The following ZNF844 variants were observed in gnomAD, a reference collection of about 807,000 sequenced individuals.
The protein encoded by ZNF844 is zinc finger protein 844.
ZNF844 carries 11 observed loss-of-function variants against 11.4 expected under a neutral mutation model. That is an observed-to-expected ratio of 0.97 (90% CI 0.61 to 1.60). The LOEUF (loss-of-function observed/expected upper bound fraction) is 1.60, where lower values mean the gene tolerates loss of function less well. Among genes scored for constraint, ZNF844 ranks in the 40% most tolerant of loss-of-function variants. The pLI, the probability that ZNF844 is intolerant of heterozygous loss-of-function variation, is 0.00. For missense variants in ZNF844, 790 were observed against 796.8 expected, an observed-to-expected ratio of 0.99 and a Z score of 0.10; for synonymous variants, 248 against 260.3, an observed-to-expected ratio of 0.95 and a Z score of 0.46.
At chr19:12,072,793 C>G (rs915404665) in intron 1 of ZNF844, among the ~76,000 whole-genome samples, 4 of 152,058 alleles carry the variant, frequency 2.6e-5, no homozygotes, top group African/African-American at 9.7e-5. Flanking sequence ...CCATGTTGAC[C>G]AGGCTGGTCT....
At chr19:12,066,945 C>A (rs1237213976) in intron 1 of ZNF844, among the ~76,000 whole-genome samples, 7 of 152,102 alleles carry the variant, frequency 4.6e-5, no homozygotes, top group Non-Finnish European at 8.8e-5. Flanking sequence ...CTTTGACTGC[C>A]ATAATTTTTT....
intron 1 of ZNF844, among the ~76,000 whole-genome samples, chr19:12,068,292 G>T (rs1220064136): frequency 6.6e-6 from 1 of 151,710 alleles, no homozygotes; most frequent in African/African-American, 2.4e-5. Flanking sequence ...CTGGGCGACA[G>T]AGCAAGAAAC....
Position 12,075,970 on chromosome 19 carries a change from A to G in ZNF844, c.850A>G (p.Lys284Glu). 1 of 1,594,160 alleles carries G rather than the reference A, an allele frequency of 6.3e-7. No individual in the cohort carries two copies. Among genetic ancestry groups the G allele is most frequent in the Non-Finnish European group, 8.5e-7 (1 of 1,169,650 alleles). ...THTGEKPYECKQCGKAFRWFH... is the reference protein window; with the variant it reads ...THTGEKPYECEQCGKAFRWFH... ...CACTGGAGAGAAGCCATATGAATGCAAACAATGTGGAAAAGCCTTCAGATG... is the reference window on the plus strand; with the variant it reads ...CACTGGAGAGAAGCCATATGAATGCGAACAATGTGGAAAAGCCTTCAGATG... Residue 284 changes from lysine to glutamate, a missense_variant, in exon 4 of 4, where the codon AAA (lysine) becomes GAA (glutamate). This residue lies in a region of ZNF844 where 657 missense variants were observed against 636.2 expected (regional missense o/e 1.03). Coordinates refer to ENST00000439326, the MANE Select transcript of ZNF844 (RefSeq NM_001136501.3).
At position 12,064,851 on chromosome 19, in the gene ZNF844, G is replaced by A. The variant is rs910047667; in HGVS notation, c.-23G>A. The stretch of plus-strand genomic sequence containing the variant: ...TCTGTGTTGTGACTGCTTTGGACGT[G>A]GGAGTCACCTGAAAGCCAGGAAATG... On this transcript the variant is annotated 5_prime_UTR_variant, in exon 1 of 4. Transcript: ENST00000439326. 5 of 1,549,630 alleles carry A rather than the reference G, an allele frequency of 3.2e-6. No individual in the cohort carries two copies. In the African/African-American group the frequency reaches 6.9e-5, roughly 21 times the overall value.
intron 1 of ZNF844, among the ~76,000 whole-genome samples, chr19:12,066,739 G>A (rs1208354259): frequency 1.3e-5 from 2 of 150,900 alleles, no homozygotes; most frequent in African/African-American, 4.9e-5. Context: ...GTAGAGACGG[G>A]GTTTCAACGT....
intron 1 of ZNF844, among the ~76,000 whole-genome samples, chr19:12,072,298 A>G (rs1216441108): frequency 6.6e-6 from 1 of 152,226 alleles, no homozygotes; most frequent in Non-Finnish European, 1.5e-5. Context: ...CCATTTAGCC[A>G]TCAGTGGACA....
At position 12,075,596 on chromosome 19, in the gene ZNF844, A is replaced by G. The variant is rs766779848; in HGVS notation, c.476A>G (p.Gln159Arg). The part of the protein sequence containing the change: ...AFRCHPSFQM[Q>R]EKAHTGEKLY... ...AGATGTCACCCCTCCTTTCAAATGC[A>G]AGAAAAGGCTCACACTGGAGAAAAA... The change falls in exon 4 of 4, where the codon CAA (glutamine) becomes CGA (arginine). Residue 159 changes from glutamine (Q) to arginine (R), a missense_variant. Around this residue, in one of 3 missense-constraint regions of ZNF844, gnomAD observed 657 missense variants for 636.2 expected, o/e 1.03. Coordinates refer to ENST00000439326, the MANE Select transcript of ZNF844 (RefSeq NM_001136501.3). 15 of 1,613,912 alleles carry G rather than the reference A, an allele frequency of 9.3e-6. No individual in the cohort carries two copies. The East Asian group carries it at 3.3e-4, about 36-fold the overall frequency.
In ZNF844 at chr19:12,075,782, G is replaced by C. The variant is rs1975804149; in HGVS notation, c.662G>C (p.Gly221Ala). ...IYLIHERVHT[G>A]EKPYKCKQCG... ...CTTATACATGAACGAGTTCACACTG[G>C]AGAGAAACCATATAAATGTAAACAA... The change falls in exon 4 of 4, where the codon GGA becomes GCA. Residue 221 changes from glycine (G) to alanine (A), a missense_variant. By Grantham distance (60) the Gly-to-Ala change is moderately conservative (BLOSUM62 0). Transcript: ENST00000439326. 1.9e-5 allele frequency: 30 copies of C among 1,612,754 alleles called. No individual in the cohort carries two copies. The highest frequency in any genetic ancestry group is 2.5e-5 in the Non-Finnish European group (29 of 1,179,420).
At position 12,075,941 on chromosome 19, in the gene ZNF844, C is replaced by A; in HGVS notation, c.821C>A (p.Thr274Asn). The A allele has an allele frequency of 6.2e-7, 1 of 1,601,046 alleles. No individual in the cohort carries two copies. Among genetic ancestry groups the A allele is most frequent in the Non-Finnish European group, 8.5e-7 (1 of 1,173,448 alleles). ...AATTCCCTTTATGAACATAGAAGAACTCACACTGGAGAGAAGCCATATGAA... is the reference window on the plus strand; with the variant it reads ...AATTCCCTTTATGAACATAGAAGAAATCACACTGGAGAGAAGCCATATGAA... Reference protein sequence around the residue: ...SPNSLYEHRRTHTGEKPYECK... With the variant: ...SPNSLYEHRRNHTGEKPYECK... Residue 274 changes from threonine (T) to asparagine (N), a missense_variant, in exon 4 of 4, where the codon ACT becomes AAT. Thr to Asn is a moderately conservative substitution (Grantham distance 65). Coordinates refer to ENST00000439326, the MANE Select transcript of ZNF844 (RefSeq NM_001136501.3).
rs1599403969 is a variant in ZNF844, at chr19:12,080,177, T to C, written c.*3056T>C. ...TCCTGGCTGACACGGTGAAACCCCG[T>C]CTCTACTAAAAAATACAAAAAAACT... is the stretch of plus-strand genomic sequence containing the variant. On this transcript the variant is annotated 3_prime_UTR_variant, in exon 4 of 4. Coordinates refer to ENST00000439326, the MANE Select transcript of ZNF844 (RefSeq NM_001136501.3). 2.1e-5 allele frequency: 4 copies of C among 187,334 alleles called. No individual in the cohort carries two copies. The highest frequency in any genetic ancestry group is 1.7e-4 in the East Asian group (1 of 5,720). The allele number at this position is 187,334 out of a possible 1,614,324, so 11.6% of individuals were successfully genotyped here. A position where few individuals can be genotyped will look rare whatever the true frequency, so the allele number is the denominator to read the frequency against.
At chr19:12,065,000 C>A (rs530898026) in intron 1 of ZNF844, 124 bp downstream of exon 1, 4 of 1,055,454 alleles carry the variant, frequency 3.8e-6, no homozygotes, top group Non-Finnish European at 5.2e-6. Flanking sequence ...AGGTCTGGGG[C>A]CCGAGCCCCG....
chr19:12,077,073 A>G lies in ZNF844; in HGVS notation c.1953A>G (p.Ser651=), dbSNP rs983692023. The change falls in exon 4 of 4, where the codon TCA becomes TCG. Residue 651 remains serine, a synonymous_variant. Coordinates refer to ENST00000439326, the MANE Select transcript of ZNF844 (RefSeq NM_001136501.3). The part of the protein sequence containing the change: ...HINVRIVGKH[S]VCLVPFVDIK... ...ATGTAAGGATTGTGGGAAAGCATTC[A>G]GTTTGCCTGGTTCCTTTCGTAGACA... 2 of 1,596,942 alleles carry G rather than the reference A, an allele frequency of 1.3e-6. No homozygotes were observed. Among genetic ancestry groups the G allele is most frequent in the African/African-American group, 1.3e-5 (1 of 74,464 alleles).
In ZNF844 at chr19:12,075,940, A is replaced by T. The variant is rs1339049334; in HGVS notation, c.820A>T (p.Thr274Ser). The part of the protein sequence containing the change: ...SPNSLYEHRR[T>S]HTGEKPYECK... ...CAATTCCCTTTATGAACATAGAAGA[A>T]CTCACACTGGAGAGAAGCCATATGA... is the stretch of plus-strand genomic sequence containing the variant. Residue 274 changes from threonine to serine, a missense_variant, in exon 4 of 4, where the codon ACT (threonine) becomes TCT (serine). By Grantham distance (58) the Thr-to-Ser change is moderately conservative. Coordinates refer to ENST00000439326, the MANE Select transcript of ZNF844 (RefSeq NM_001136501.3). The T allele has an allele frequency of 3.7e-6, 6 of 1,601,244 alleles. No individual in the cohort carries two copies. In the Admixed American group the frequency reaches 5.2e-5, roughly 14 times the overall value.
intron 3 of ZNF844, 127 bp downstream of exon 3, chr19:12,074,548 TCTAAAAAC>T (rs1391928873): frequency 5.3e-6 from 4 of 752,878 alleles, no homozygotes; most frequent in Non-Finnish European, 8.8e-6. Flanking sequence ...AAATATTCAC[TCTAAAAAC>T]CTACATTTAA....
At chr19:12,072,555 A>G (rs1411411455) in intron 1 of ZNF844, among the ~76,000 whole-genome samples, 1 of 151,702 alleles carries the variant, frequency 6.6e-6, no homozygotes, top group East Asian at 1.9e-4. Flanking sequence ...TCCAAACTTT[A>G]TATTTGAGGT....
intron 1 of ZNF844, 95 bp downstream of exon 1, chr19:12,064,971 A>C (rs561536674): frequency 7.2e-7 from 1 of 1,387,524 alleles, no homozygotes; most frequent in Non-Finnish European, 9.7e-7. Context: ...CGGGACCCGG[A>C]CCTCCCCGCG....
At chr19:12,070,223 G>A (rs1420163027) in intron 1 of ZNF844, 3 of 151,642 alleles carry the variant, frequency 2.0e-5, no homozygotes, top group African/African-American at 7.3e-5. Context: ...GGTTGGGCCT[G>A]GTTAGTAAAT....
chr19:12,072,591 C>CT lies in ZNF844; in HGVS notation c.4-1431dup, dbSNP rs528153929. ...GGTTTGATTTTTCTTTTTTCTTTTT[C>CT]TTTTTTTTTGAGATAAAGTCTCAGT... On this transcript the variant is annotated intron_variant, in intron 1 of 3. Coordinates refer to ENST00000439326, the MANE Select transcript of ZNF844 (RefSeq NM_001136501.3). Among the ~76,000 whole-genome samples, 326 of 150,662 alleles carry CT rather than the reference C, an allele frequency of 2.2e-3. 1 individual carries two copies. Among genetic ancestry groups the CT allele is most frequent in the African/African-American group, 7.1e-3 (291 of 41,154 alleles).
Position 12,075,783 on chromosome 19 carries a change from A to C in ZNF844, c.663A>C (p.Gly221=). ...IYLIHERVHT[G]EKPYKCKQCG... is the part of the protein sequence containing the mutation. ...TTATACATGAACGAGTTCACACTGG[A>C]GAGAAACCATATAAATGTAAACAAT... is the stretch of plus-strand genomic sequence containing the variant. Residue 221 remains glycine, a synonymous_variant, in exon 4 of 4, where the codon GGA becomes GGC. Coordinates refer to ENST00000439326, the MANE Select transcript of ZNF844 (RefSeq NM_001136501.3). 1 of 1,612,772 alleles carries C rather than the reference A, an allele frequency of 6.2e-7. No homozygotes were observed. The highest frequency in any genetic ancestry group is 8.5e-7 in the Non-Finnish European group (1 of 1,179,410).
Sources: gnomAD v4.1 joint callset for allele counts (sites outside exome capture counted in the v4.1 genomes callset) on GRCh38, gnomAD v4.1.1 for gene constraint, gnomAD v4.1.1 regional missense constraint, MANE v1.5 for transcripts, NCBI Gene and HGNC (gene_info 2026-07-23, HGNC 2026-07-21) for gene names.